CSMD3: variants seen among roughly 807,000 people sequenced by gnomAD.
The protein encoded by CSMD3 is CUB and Sushi multiple domains 3.
CSMD3 carries 177 observed loss-of-function variants against 435.2 expected under a neutral mutation model. That is an observed-to-expected ratio of 0.41 (90% CI 0.36 to 0.46). The LOEUF (loss-of-function observed/expected upper bound fraction) is 0.46. CSMD3 is among the 20% of genes least tolerant of loss of function. The pLI is 0.34. For missense variants in CSMD3, 4,265 were observed against 4,504.6 expected, an observed-to-expected ratio of 0.95 and a Z score of 1.52; for synonymous variants, 1,656 against 1,520.5, an observed-to-expected ratio of 1.09 and a Z score of -2.07.
At chr8:113,354,989 C>G (rs1295200781) in intron 1 of CSMD3, among the ~76,000 whole-genome samples, 2 of 152,114 alleles carry the variant, frequency 1.3e-5, no homozygotes, top group Non-Finnish European at 2.9e-5. Context: ...TTTCAAGTAT[C>G]TTGTCAAGTC....
intron 3 of CSMD3, among the ~76,000 whole-genome samples, chr8:113,174,472 C>G (rs566277395): frequency 5.3e-4 from 80 of 152,024 alleles, no homozygotes; most frequent in Middle Eastern, 6.8e-3. Context: ...TGAGTGTATA[C>G]TACGAATGAT....
chr8:113,092,329 T>C (rs7824818), intron 5 of CSMD3, among the ~76,000 whole-genome samples: 102,105 of 151,946 alleles, frequency 0.67, 35,931 homozygotes, highest in East Asian at 0.95. Flanking sequence ...TTCTATAATA[T>C]GTAAAATACT....
intron 2 of CSMD3, among the ~76,000 whole-genome samples, chr8:113,301,100 A>T (rs1015753398): frequency 7.9e-5 from 12 of 151,432 alleles, no homozygotes; most frequent in African/African-American, 2.2e-4. Context: ...ATTAAAGTAT[A>T]ATTTCGAAAA....
chr8:112,659,035 T>C (rs1326026256), intron 17 of CSMD3, among the ~76,000 whole-genome samples: 1 of 152,162 alleles, frequency 6.6e-6, no homozygotes, highest in Non-Finnish European at 1.5e-5. Flanking sequence ...AATTGGAGTT[T>C]GACTTTGATA....
At chr8:112,381,645 C>T (rs1829467413) in intron 37 of CSMD3, among the ~76,000 whole-genome samples, 1 of 152,110 alleles carries the variant, frequency 6.6e-6, no homozygotes, top group Non-Finnish European at 1.5e-5. Flanking sequence ...CACACACTTG[C>T]TTCTTTTCTG....
At chr8:113,049,878 A>T (rs1045918298) in intron 5 of CSMD3, among the ~76,000 whole-genome samples, 1 of 152,296 alleles carries the variant, frequency 6.6e-6, no homozygotes. Context: ...AGGATATATG[A>T]TTCAGAAGGC....
At chr8:112,664,655 G>T (rs551559813) in intron 17 of CSMD3, among the ~76,000 whole-genome samples, 23 of 152,208 alleles carry the variant, frequency 1.5e-4, no homozygotes, top group Admixed American at 6.5e-4. Flanking sequence ...GACAGTATTT[G>T]GAGAAAGAGA....
At chr8:113,017,568 C>T (rs988724668) in intron 6 of CSMD3, among the ~76,000 whole-genome samples, 1 of 151,708 alleles carries the variant, frequency 6.6e-6, no homozygotes, top group Non-Finnish European at 1.5e-5. Context: ...TCACAGGAAT[C>T]GAAGAGGATT....
At chr8:113,106,294 C>T (rs72685831) in intron 4 of CSMD3, among the ~76,000 whole-genome samples, 10,088 of 151,396 alleles carry the variant, frequency 0.067, 452 homozygotes, top group Non-Finnish European at 0.095. Flanking sequence ...CCACATGAAA[C>T]GTTAAGAGAC....
chr8:112,271,935 G>A (rs1378816949), intron 59 of CSMD3, among the ~76,000 whole-genome samples: 1 of 152,146 alleles, frequency 6.6e-6, no homozygotes, highest in Non-Finnish European at 1.5e-5. Flanking sequence ...AAGTCATGAG[G>A]GCCCTCTCCC....
chr8:112,692,401 A>G (rs557775492), intron 13 of CSMD3, among the ~76,000 whole-genome samples: 45 of 152,236 alleles, frequency 3.0e-4, no homozygotes, highest in Non-Finnish European at 5.1e-4. Flanking sequence ...GGGTTGATCT[A>G]TCATTTTGTT....
chr8:113,233,173 T>A (rs2093108583), intron 3 of CSMD3, among the ~76,000 whole-genome samples: 1 of 151,746 alleles, frequency 6.6e-6, no homozygotes, highest in Non-Finnish European at 1.5e-5. Flanking sequence ...TGAATTGAAA[T>A]TATTTCCAAT....
At chr8:112,417,715 A>T (rs1043306855) in intron 32 of CSMD3, among the ~76,000 whole-genome samples, 1 of 152,120 alleles carries the variant, frequency 6.6e-6, no homozygotes, top group Non-Finnish European at 1.5e-5. Flanking sequence ...AAAAAGGAAA[A>T]TGTAATTATC....
chr8:112,478,728 C>A (rs1012085378), intron 31 of CSMD3, among the ~76,000 whole-genome samples: 1 of 152,192 alleles, frequency 6.6e-6, no homozygotes, highest in African/African-American at 2.4e-5. Flanking sequence ...AAGCAAAAAA[C>A]AGCTTGAAGG....
At chr8:113,093,604 A>G (rs1588060232) in intron 5 of CSMD3, among the ~76,000 whole-genome samples, 1 of 152,206 alleles carries the variant, frequency 6.6e-6, no homozygotes, top group East Asian at 1.9e-4. Flanking sequence ...TTGATGGTAT[A>G]AAAGAGAATT....
chr8:112,932,337 C>T (rs2083136209), intron 9 of CSMD3, among the ~76,000 whole-genome samples: 1 of 152,204 alleles, frequency 6.6e-6, no homozygotes. Context: ...AAACCAGGCG[C>T]AGAAAGACAA....
chr8:112,267,964 G>GA (rs952871694), intron 59 of CSMD3, among the ~76,000 whole-genome samples: 11 of 151,774 alleles, frequency 7.2e-5, no homozygotes, highest in Admixed American at 5.9e-4. Context: ...GTTTTTTCAG[G>GA]AAAAAAACCT....
intron 10 of CSMD3, among the ~76,000 whole-genome samples, chr8:112,893,825 G>A (rs190361637): frequency 6.7e-4 from 101 of 151,360 alleles, no homozygotes; most frequent in Non-Finnish European, 1.2e-3. Context: ...TACTGTACAA[G>A]TACAAGTACA....
intron 13 of CSMD3, among the ~76,000 whole-genome samples, chr8:112,748,120 T>G (rs2077483099): frequency 6.6e-6 from 1 of 152,280 alleles, no homozygotes; most frequent in Non-Finnish European, 1.5e-5. Flanking sequence ...TGGTTATTGC[T>G]TTTTGCTCAG....
Sources: allele counts gnomAD v4.1 joint callset (sites outside exome capture counted in the v4.1 genomes callset), GRCh38; gene constraint gnomAD v4.1.1; transcripts MANE v1.5; gene names NCBI Gene and HGNC (gene_info 2026-07-23, HGNC 2026-07-21).